Variants in TAFA2 observed in about 807,000 individuals in gnomAD.
The protein encoded by TAFA2 is chemokine-like protein TAFA-2.
A neutral mutation model predicts 18.8 loss-of-function variants in TAFA2; 7 were observed. The ratio of observed to expected loss-of-function variants is 0.37; its 90% CI spans 0.21 to 0.70. TAFA2 has a LOEUF of 0.70. TAFA2 is among the 30% of genes least tolerant of loss of function. The pLI is 0.53. For synonymous variants in TAFA2, 60 were observed against 54.2 expected, an observed-to-expected ratio of 1.11 and a Z score of -0.47; for missense variants, 122 against 158.1, an observed-to-expected ratio of 0.77 and a Z score of 1.23.
intron 2 of TAFA2, among the ~76,000 whole-genome samples, chr12:61,831,827 T>C: frequency 6.6e-6 from 1 of 152,030 alleles, no homozygotes; most frequent in Non-Finnish European, 1.5e-5. Context: ...ATTAGGTATA[T>C]CTCCTAATGC....
rs1004938553 is a variant in TAFA2 at position 62,004,229 on chromosome 12, T to C, written c.-1-136803A>G. On this transcript the variant is annotated intron_variant, in intron 1 of 4. Coordinates refer to ENST00000416284, the MANE Select transcript of TAFA2 (RefSeq NM_178539.5). ...AAGTGAGAAGAAAGATGAAAACTTT[T>C]ATGCTAATTCTGCAGGAAACTTCAA... Among the ~76,000 whole-genome samples the C allele has an allele frequency of 3.0e-4, 45 of 152,192 alleles. 1 individual carries two copies. The highest frequency in any genetic ancestry group is 1.2e-4 in the Non-Finnish European group (8 of 68,014).
chr12:61,929,281 G>A (rs1387294005), intron 1 of TAFA2, among the ~76,000 whole-genome samples: 1 of 151,868 alleles, frequency 6.6e-6, no homozygotes, highest in Non-Finnish European at 1.5e-5. Flanking sequence ...GTTCCCTGGG[G>A]AGTCTTTTTA....
intron 2 of TAFA2, among the ~76,000 whole-genome samples, chr12:61,792,776 G>A (rs559684119): frequency 6.6e-6 from 1 of 150,408 alleles, no homozygotes; most frequent in South Asian, 2.1e-4. Flanking sequence ...AGAACTTTAA[G>A]AGAAAAAAAA....
rs1268019667 is a variant in TAFA2, at chr12:61,809,642, C to T, written c.107-54618G>A. Among the ~76,000 whole-genome samples, 2 of 151,206 alleles carry T rather than the reference C, an allele frequency of 1.3e-5. 1 individual carries two copies. ...TTTTAATTTAAAAAAAAGCATTACC[C>T]CTACATTTTGACTAATGATACTACT... is the stretch of plus-strand genomic sequence containing the variant. On this transcript the variant is annotated intron_variant, in intron 2 of 4. Transcript: ENST00000416284.
intron 1 of TAFA2, among the ~76,000 whole-genome samples, chr12:62,083,281 C>T (rs1868351222): frequency 6.6e-6 from 1 of 151,814 alleles, no homozygotes; most frequent in Non-Finnish European, 1.5e-5. Context: ...AAATGCACTA[C>T]TACAGTTTCT....
At chr12:62,047,980 A>G (rs1881953417) in intron 1 of TAFA2, among the ~76,000 whole-genome samples, 1 of 152,256 alleles carries the variant, frequency 6.6e-6, no homozygotes, top group Admixed American at 6.5e-5. Flanking sequence ...AAAATGTGTT[A>G]CGATAAAGTG....
At chr12:61,832,095 A>T (rs1749432412) in intron 2 of TAFA2, among the ~76,000 whole-genome samples, 1 of 152,088 alleles carries the variant, frequency 6.6e-6, no homozygotes, top group South Asian at 2.1e-4. Context: ...CTTGCCACTC[A>T]ATCAAGAGAC....
At chr12:62,223,756 A>G (rs1433090709) in intron 1 of TAFA2, among the ~76,000 whole-genome samples, 2 of 152,214 alleles carry the variant, frequency 1.3e-5, no homozygotes, top group Admixed American at 1.3e-4. Context: ...ACAGGAAACA[A>G]TAAAAAATAG....
intron 2 of TAFA2, among the ~76,000 whole-genome samples, chr12:61,847,319 T>A (rs1161276429): frequency 6.6e-6 from 1 of 152,212 alleles, no homozygotes; most frequent in African/African-American, 2.4e-5. Context: ...CATAATAATC[T>A]ATTCATTTTC....
chr12:61,758,156 A>T (rs182640440), intron 2 of TAFA2, among the ~76,000 whole-genome samples: 7 of 152,212 alleles, frequency 4.6e-5, no homozygotes, highest in Non-Finnish European at 8.8e-5. Context: ...GCATGAAAAA[A>T]ATAAAAGCAT....
intron 1 of TAFA2, among the ~76,000 whole-genome samples, chr12:62,117,273 T>C (rs574393979): frequency 1.0e-3 from 157 of 152,354 alleles, no homozygotes; most frequent in African/African-American, 3.4e-3. Context: ...CTCGTTTTAT[T>C]GGTTAGTTCC....
chr12:62,017,709 G>C (rs1252694602), intron 1 of TAFA2, among the ~76,000 whole-genome samples: 1 of 152,030 alleles, frequency 6.6e-6, no homozygotes, highest in Non-Finnish European at 1.5e-5. Flanking sequence ...CTAAAGTATG[G>C]TTCCTCTTGT....
chr12:62,036,434 C>A (rs888513500), intron 1 of TAFA2, among the ~76,000 whole-genome samples: 5 of 152,156 alleles, frequency 3.3e-5, no homozygotes, highest in Non-Finnish European at 7.3e-5. Context: ...GTCAGCCGTT[C>A]CCAAAATGTT....
intron 4 of TAFA2, among the ~76,000 whole-genome samples, chr12:61,753,118 C>T (rs1036263264): frequency 1.3e-5 from 2 of 151,516 alleles, no homozygotes; most frequent in African/African-American, 4.8e-5. Context: ...TCCTAGTAGC[C>T]CATTACAATA....
chr12:62,259,301 A>C (rs2062969010), upstream of TAFA2, among the ~76,000 whole-genome samples: 1 of 152,142 alleles, frequency 6.6e-6, no homozygotes, highest in South Asian at 2.1e-4. Flanking sequence ...TATTTAGGTA[A>C]TTTTTACATG....
chr12:61,745,626 T>C (rs74892891), intron 4 of TAFA2, among the ~76,000 whole-genome samples: 7,624 of 152,190 alleles, frequency 0.05, 320 homozygotes, highest in East Asian at 0.21. Flanking sequence ...ATTTTGTTTA[T>C]TTTTTTGTAT....
chr12:61,899,062 T>A (rs1875982428), intron 1 of TAFA2, among the ~76,000 whole-genome samples: 1 of 152,144 alleles, frequency 6.6e-6, no homozygotes, highest in African/African-American at 2.4e-5. Context: ...TTACTCCAGT[T>A]CCCAAGAAAT....
chr12:61,889,722 G>A (rs1029360009), intron 1 of TAFA2, among the ~76,000 whole-genome samples: 19 of 152,136 alleles, frequency 1.2e-4, no homozygotes, highest in African/African-American at 4.3e-4. Context: ...TGCGCCAACC[G>A]CTATGTTGGG....
At chr12:62,134,601 C>T (rs971810410) in intron 1 of TAFA2, among the ~76,000 whole-genome samples, 3 of 151,120 alleles carry the variant, frequency 2.0e-5, no homozygotes, top group African/African-American at 7.3e-5. Flanking sequence ...TGATAGATAT[C>T]AATAGCACTT....
Sources: gnomAD v4.1 joint callset for allele counts (sites outside exome capture counted in the v4.1 genomes callset) on GRCh38, gnomAD v4.1.1 for gene constraint, MANE v1.5 for transcripts, NCBI Gene and HGNC (gene_info 2026-07-23, HGNC 2026-07-21) for gene names.